The following GRIA4 variants were observed in gnomAD, a reference collection of about 807,000 sequenced individuals.
GRIA4 encodes glutamate receptor 4.
GRIA4 carries 34 observed loss-of-function variants against 104.0 expected under a neutral mutation model. That is an observed-to-expected ratio of 0.33 (90% CI 0.25 to 0.44). The LOEUF (loss-of-function observed/expected upper bound fraction) is 0.44. Ranked by LOEUF, GRIA4 falls within the 20% of genes least tolerant of loss-of-function variation. The probability of loss-of-function intolerance (pLI) is 1.00; values close to 1 mark genes in which losing one functional copy is unlikely to be tolerated. For missense variants in GRIA4, 750 were observed against 1,096.5 expected (o/e 0.68, Z 4.46); for synonymous variants, 386 against 381.9 (o/e 1.01, Z -0.13).
chr11:105,750,400 G>A (rs537431834), intron 3 of GRIA4, among the ~76,000 whole-genome samples: 23 of 152,144 alleles, frequency 1.5e-4, no homozygotes, highest in African/African-American at 4.8e-4. Flanking sequence ...AGTAAAATGC[G>A]AGTGACAGAA....
At chr11:105,684,532 A>AATAT (rs1266232093) in intron 3 of GRIA4, among the ~76,000 whole-genome samples, 2 of 57,984 alleles carry the variant, frequency 3.4e-5, no homozygotes, top group South Asian at 2.2e-3. Context: ...AAATAAGGCA[A>AATAT]ATATATATAT....
Position 105,779,650 on chromosome 11 carries a change from C to A in GRIA4, c.487+26430C>A, listed in dbSNP as rs147554213. Among the ~76,000 whole-genome samples the A allele has an allele frequency of 3.1e-3, 462 of 150,012 alleles. 4 individuals are homozygous for A. The highest frequency in any genetic ancestry group is 0.01 in the African/African-American group (411 of 40,854). On this transcript the variant is annotated intron_variant, in intron 4 of 16. Coordinates refer to ENST00000282499, the MANE Select transcript of GRIA4 (RefSeq NM_000829.4). ...AAAAGTATAATAAAAAAAAAAACAA[C>A]AAAAAAAACTACTTGAAAGTTCATA...
intron 3 of GRIA4, among the ~76,000 whole-genome samples, chr11:105,720,939 C>A (rs940944123): frequency 1.3e-5 from 2 of 152,166 alleles, no homozygotes; most frequent in Non-Finnish European, 2.9e-5. Context: ...CAGACTTTAT[C>A]TAATGTTTTA....
intron 10 of GRIA4, chr11:105,912,516 T>C: frequency 2.7e-6 from 1 of 372,162 alleles, no homozygotes; most frequent in African/African-American, 2.3e-5. Flanking sequence ...AAAATCCAAC[T>C]GTTTTATATA....
Position 105,933,738 on chromosome 11 carries a change from T to C in GRIA4, c.2063T>C (p.Val688Ala), listed in dbSNP as rs764360112. 3.8e-6 allele frequency: 6 copies of C among 1,594,292 alleles called. No individual in the cohort carries two copies. Among genetic ancestry groups the C allele is most frequent in the Admixed American group, 1.7e-5 (1 of 57,760 alleles). ...KEFFRRSKIA[V>A]YEKMWTYMRS... The stretch of plus-strand genomic sequence containing the variant: ...TTCCTCCAGAGATCAAAAATAGCAG[T>C]GTATGAAAAGATGTGGACCTACATG... The change falls in exon 14 of 17, where the codon GTG becomes GCG. Residue 688 changes from valine to alanine, a missense_variant. Transcript: ENST00000282499.
chr11:105,726,842 T>TA (rs1055520050), intron 3 of GRIA4, among the ~76,000 whole-genome samples: 2 of 151,438 alleles, frequency 1.3e-5, no homozygotes, highest in South Asian at 2.1e-4. Context: ...GTATCAACAT[T>TA]AAAAAAAAGG....
chr11:105,647,507 G>A (rs900970320), intron 3 of GRIA4, among the ~76,000 whole-genome samples: 1 of 152,098 alleles, frequency 6.6e-6, no homozygotes, highest in South Asian at 2.1e-4. Flanking sequence ...GTTTACTGAA[G>A]CACTATTCAC....
chr11:105,767,524 A>G (rs1385385931), intron 4 of GRIA4, among the ~76,000 whole-genome samples: 6 of 152,140 alleles, frequency 3.9e-5, no homozygotes, highest in African/African-American at 1.4e-4. Context: ...AATAAGAATC[A>G]TATGCCACAA....
intron 3 of GRIA4, among the ~76,000 whole-genome samples, chr11:105,634,813 T>C (rs1951161606): frequency 6.6e-6 from 1 of 152,196 alleles, no homozygotes; most frequent in Non-Finnish European, 1.5e-5. Context: ...ATTTTGAAAA[T>C]AAAACATTGT....
intron 4 of GRIA4, among the ~76,000 whole-genome samples, chr11:105,771,918 T>C (rs1274110428): frequency 2.0e-5 from 3 of 152,058 alleles, no homozygotes; most frequent in Non-Finnish European, 4.4e-5. Flanking sequence ...AAAATTAAAA[T>C]GTATCAAAAC....
chr11:105,849,931 C>T (rs1187678276), intron 4 of GRIA4, among the ~76,000 whole-genome samples: 1 of 152,148 alleles, frequency 6.6e-6, no homozygotes, highest in South Asian at 2.1e-4. Flanking sequence ...TGTGTTCTGT[C>T]ACACTGCAAC....
intron 3 of GRIA4, among the ~76,000 whole-genome samples, chr11:105,627,701 T>G (rs1443376578): frequency 1.3e-5 from 2 of 152,168 alleles, no homozygotes; most frequent in Non-Finnish European, 2.9e-5. Flanking sequence ...CCATGTATCT[T>G]CCGAACTGCA....
intron 4 of GRIA4, among the ~76,000 whole-genome samples, chr11:105,791,075 G>A (rs1288739974): frequency 6.6e-6 from 1 of 152,144 alleles, no homozygotes; most frequent in African/African-American, 2.4e-5. Flanking sequence ...AGTGCTGAGG[G>A]AGCTTCCAGC....
intron 4 of GRIA4, among the ~76,000 whole-genome samples, chr11:105,756,302 CAAG>C: frequency 6.6e-6 from 1 of 152,182 alleles, no homozygotes; most frequent in East Asian, 1.9e-4. Flanking sequence ...GTATACCTGT[CAAG>C]TGGATTGGTA....
chr11:105,823,292 G>A (rs1174750522), intron 4 of GRIA4, among the ~76,000 whole-genome samples: 1 of 152,128 alleles, frequency 6.6e-6, no homozygotes, highest in East Asian at 1.9e-4. Flanking sequence ...TTTACAGACC[G>A]AAGAGGTGGA....
intron 4 of GRIA4, among the ~76,000 whole-genome samples, chr11:105,757,062 A>T (rs902867302): frequency 2.0e-5 from 3 of 152,168 alleles, no homozygotes; most frequent in African/African-American, 7.2e-5. Flanking sequence ...GAGAAATAAC[A>T]ATCAGAATCA....
chr11:105,930,404 TAC>T (rs529637012), intron 13 of GRIA4, among the ~76,000 whole-genome samples: 114 of 152,220 alleles, frequency 7.5e-4, no homozygotes, highest in African/African-American at 2.2e-3. Flanking sequence ...ATTTCTAGTG[TAC>T]TAAACCCTCT....
chr11:105,671,677 CAAAAAAAAAA>C (rs377767108), intron 3 of GRIA4, among the ~76,000 whole-genome samples: 13 of 64,584 alleles, frequency 2.0e-4, no homozygotes, highest in Admixed American at 9.0e-4. Context: ...GACTCTGTCT[CAAAAAAAAAA>C]AAAAAAAAAA....
intron 14 of GRIA4, among the ~76,000 whole-genome samples, chr11:105,961,940 T>C (rs147468422): frequency 6.6e-6 from 1 of 152,226 alleles, no homozygotes; most frequent in South Asian, 2.1e-4. Context: ...AAGATAATAC[T>C]GCAAGTTATT....
Sources: allele counts gnomAD v4.1 joint callset (sites outside exome capture counted in the v4.1 genomes callset), GRCh38; gene constraint gnomAD v4.1.1; transcripts MANE v1.5; gene names NCBI Gene and HGNC (gene_info 2026-07-23, HGNC 2026-07-21).